Variants in DNAAF11 observed in about 807,000 individuals in gnomAD.
The protein encoded by DNAAF11 is dynein axonemal assembly factor 11.
A neutral mutation model predicts 60.8 loss-of-function variants in DNAAF11; 45 were observed. The ratio of observed to expected loss-of-function variants is 0.74; its 90% CI spans 0.58 to 0.95. The LOEUF (loss-of-function observed/expected upper bound fraction) is 0.95. Among genes scored for constraint, DNAAF11 ranks in the 40% least tolerant of loss-of-function variants. The probability of loss-of-function intolerance (pLI) is 0.00; values close to 1 mark genes in which losing one functional copy is unlikely to be tolerated. For synonymous variants in DNAAF11, 191 were observed against 183.5 expected, an observed-to-expected ratio of 1.04 and a Z score of -0.33; for missense variants, 546 against 546.2, an observed-to-expected ratio of 1.00 and a Z score of 0.00.
chr8:132,678,125 A>G (rs1456313761), upstream of DNAAF11, among the ~76,000 whole-genome samples: 3 of 151,730 alleles, frequency 2.0e-5, no homozygotes, highest in African/African-American at 4.9e-5. Flanking sequence ...TAAACTTTCT[A>G]TCTGAGGAAT....
chr8:132,635,279 C>T (rs560379860), intron 4 of DNAAF11, among the ~76,000 whole-genome samples: 6 of 152,264 alleles, frequency 3.9e-5, no homozygotes, highest in Middle Eastern at 6.8e-3. Context: ...TCCTGCAGCA[C>T]AAAGGTGGAG....
Position 132,669,940 on chromosome 8 carries a change from C to CAAAA in DNAAF11, c.10+5540_10+5543dup, listed in dbSNP as rs35402875. Among the ~76,000 whole-genome samples the CAAAA allele has an allele frequency of 3.0e-3, 211 of 69,736 alleles. 2 individuals carry two copies. The highest frequency in any genetic ancestry group is 8.0e-3 in the African/African-American group (201 of 25,028). The allele number at this position is 69,736 out of a possible 152,430, so 45.7% of individuals were successfully genotyped here. Reference sequence around the variant, plus strand: ...TGGGTGACAGAGCAAGACTCCGTCTCAAAAAAAAAAAAAAAAAAAAAAAAA... The same window carrying CAAAA: ...TGGGTGACAGAGCAAGACTCCGTCTCAAAAAAAAAAAAAAAAAAAAAAAAAAAAA... On this transcript the variant is annotated intron_variant, in intron 1 of 11. Coordinates refer to ENST00000620350, the MANE Select transcript of DNAAF11 (RefSeq NM_012472.6).
intron 3 of DNAAF11, among the ~76,000 whole-genome samples, chr8:132,653,965 T>A (rs1823282567): frequency 6.6e-6 from 1 of 152,016 alleles, no homozygotes; most frequent in African/African-American, 2.4e-5. Flanking sequence ...AAGGCAGAGA[T>A]TGACAGGATA....
intron 3 of DNAAF11, among the ~76,000 whole-genome samples, chr8:132,640,733 C>T (rs1055821566): frequency 2.0e-5 from 3 of 152,006 alleles, no homozygotes; most frequent in Admixed American, 2.0e-4. Context: ...GTTCTTATCA[C>T]CTTTTGCAAC....
At chr8:132,677,053 G>T (rs1825785505), upstream of DNAAF11, among the ~76,000 whole-genome samples, 1 of 152,140 alleles carries the variant, frequency 6.6e-6, no homozygotes, top group Non-Finnish European at 1.5e-5. Flanking sequence ...TTTGAAAGCT[G>T]AAACTTCTCT....
intron 11 of DNAAF11, among the ~76,000 whole-genome samples, chr8:132,583,052 G>A (rs1815495343): frequency 6.6e-6 from 1 of 152,166 alleles, no homozygotes; most frequent in Admixed American, 6.5e-5. Context: ...GACAGAGAGA[G>A]GCTGTCTAAC....
chr8:132,661,241 C>T (rs1824099511), intron 2 of DNAAF11, among the ~76,000 whole-genome samples: 1 of 152,086 alleles, frequency 6.6e-6, no homozygotes, highest in Non-Finnish European at 1.5e-5. Context: ...GTGTTCCTCA[C>T]CTTTACCTGC....
chr8:132,626,044 CCTT>C (rs1355301215), intron 5 of DNAAF11, among the ~76,000 whole-genome samples: 1 of 148,038 alleles, frequency 6.8e-6, no homozygotes, highest in Non-Finnish European at 1.5e-5. Context: ...ACCTATGGCA[CCTT>C]CTTTTTTTTC....
the DNAAF11 span, among the ~76,000 whole-genome samples, chr8:132,698,890 G>A: frequency 6.6e-6 from 1 of 150,526 alleles, no homozygotes; most frequent in Non-Finnish European, 1.5e-5. Context: ...AGGCCAGCCT[G>A]GTGAACATGG....
chr8:132,702,712 T>C, the DNAAF11 span, among the ~76,000 whole-genome samples: 2 of 152,180 alleles, frequency 1.3e-5, no homozygotes, highest in Non-Finnish European at 2.9e-5. Context: ...TTAGGTAATA[T>C]TTTAGTCTCA....
chr8:132,699,378 G>A, the DNAAF11 span, among the ~76,000 whole-genome samples: 1 of 152,216 alleles, frequency 6.6e-6, no homozygotes, highest in Admixed American at 6.5e-5. Flanking sequence ...AACAGAAAGG[G>A]GAGCAGTGCT....
At chr8:132,702,602 T>C in the DNAAF11 span, among the ~76,000 whole-genome samples, 1 of 152,124 alleles carries the variant, frequency 6.6e-6, no homozygotes, top group African/African-American at 2.4e-5. Flanking sequence ...ATAATAATAA[T>C]TGCAGCTCCC....
chr8:132,603,612 G>A (rs1371923956), intron 10 of DNAAF11, among the ~76,000 whole-genome samples: 5 of 151,808 alleles, frequency 3.3e-5, no homozygotes, highest in Admixed American at 2.6e-4. Flanking sequence ...GGGGTGTGGG[G>A]AGGACATAAT....
At chr8:132,632,380 G>C (rs979674290) in intron 5 of DNAAF11, among the ~76,000 whole-genome samples, 5 of 152,140 alleles carry the variant, frequency 3.3e-5, no homozygotes, top group Admixed American at 3.3e-4. Flanking sequence ...GATGCAATTA[G>C]AATTATTCAA....
intron 10 of DNAAF11, chr8:132,608,336 C>T (rs995147914): frequency 5.2e-5 from 11 of 213,350 alleles, no homozygotes; most frequent in East Asian, 2.0e-4. Flanking sequence ...TTATTAATGA[C>T]GAAAATAGAA....
intron 10 of DNAAF11, 30 bp from the exon 11 acceptor site, chr8:132,583,809 G>T (rs1202498060): frequency 1.0e-5 from 14 of 1,399,250 alleles, no homozygotes; most frequent in African/African-American, 1.4e-5. Context: ...CACACCAAGT[G>T]GTGCATTACT....
At chr8:132,701,784 A>C in the DNAAF11 span, among the ~76,000 whole-genome samples, 1 of 152,266 alleles carries the variant, frequency 6.6e-6, no homozygotes, top group East Asian at 1.9e-4. Context: ...CCTTACAATA[A>C]ATCATAGCAG....
rs1317749687 is a variant in DNAAF11 at position 132,627,958 on chromosome 8, A to T, written c.654-2504T>A. 2.0e-5 allele frequency among the ~76,000 whole-genome samples: 3 copies of T among 152,076 alleles called. 1 individual carries two copies. The South Asian group carries it at 6.2e-4, about 32-fold the overall frequency. On this transcript the variant is annotated intron_variant, in intron 5 of 11. Coordinates refer to ENST00000620350, the MANE Select transcript of DNAAF11 (RefSeq NM_012472.6). The stretch of plus-strand genomic sequence containing the variant: ...CCTCCAAGTGTACTGTTCACTGTAG[A>T]GGTGGTCAATATACTTCCTGGCTCC...
intron 3 of DNAAF11, among the ~76,000 whole-genome samples, chr8:132,654,594 G>A (rs1823354775): frequency 1.3e-5 from 2 of 151,584 alleles, no homozygotes; most frequent in Non-Finnish European, 2.9e-5. Flanking sequence ...GACCTCAATG[G>A]AGTGAAACGA....
Sources: allele counts gnomAD v4.1 joint callset (sites outside exome capture counted in the v4.1 genomes callset), GRCh38; gene constraint gnomAD v4.1.1; transcripts MANE v1.5; gene names NCBI Gene and HGNC (gene_info 2026-07-23, HGNC 2026-07-21).